Variants in EAF2 observed in about 807,000 individuals in gnomAD.
EAF2 encodes the protein ELL-associated factor 2.
A neutral mutation model predicts 29.4 loss-of-function variants in EAF2; 29 were observed. The observed-to-expected ratio is 0.99, with a 90% CI of 0.73 to 1.35. The LOEUF is 1.35. EAF2 is among the 40% of genes most tolerant of loss of function. The probability of loss-of-function intolerance (pLI) is 0.00; values close to 1 mark genes in which losing one functional copy is unlikely to be tolerated. For missense variants in EAF2, 292 were observed against 312.0 expected (o/e 0.94, Z 0.48); for synonymous variants, 103 against 102.5 (o/e 1.00, Z -0.03).
chr3:121,867,635 G>A (rs1231682171), intron 4 of EAF2, among the ~76,000 whole-genome samples: 2 of 152,094 alleles, frequency 1.3e-5, no homozygotes, highest in South Asian at 2.1e-4. Flanking sequence ...CTTAAATATT[G>A]GCTGTATAAA....
chr3:121,835,301 G>C lies in EAF2; in HGVS notation c.16G>C (p.Gly6Arg). The change falls in exon 1 of 6, where the codon GGA becomes CGA. Residue 6 changes from glycine (G) to arginine (R), a missense_variant. By Grantham distance (125) the Gly-to-Arg change is moderately radical (BLOSUM62 -2). Transcript: ENST00000273668. MNSAA[G>R]FSHLDRRERV... ...GAGAGTAATTATGAATAGCGCAGCG[G>C]GATTCTCACACCTAGACCGTCGCGA... The C allele has an allele frequency of 1.2e-6, 2 of 1,614,222 alleles. No homozygotes were observed. The highest frequency in any genetic ancestry group is 1.7e-6 in the Non-Finnish European group (2 of 1,180,034).
intron 2 of EAF2, among the ~76,000 whole-genome samples, chr3:121,848,584 CT>C (rs34911559): frequency 6.6e-6 from 1 of 150,926 alleles, no homozygotes; most frequent in Non-Finnish European, 1.5e-5. Flanking sequence ...GGCAGGATCA[CT>C]TTTTTTTTAG....
chr3:121,847,421 A>G (rs904157845), intron 2 of EAF2, among the ~76,000 whole-genome samples: 1 of 152,230 alleles, frequency 6.6e-6, no homozygotes, highest in Non-Finnish European at 1.5e-5. Flanking sequence ...AAGATACAAC[A>G]ACAAAAGAAA....
At chr3:121,858,809 C>T (rs908665488) in intron 4 of EAF2, among the ~76,000 whole-genome samples, 5 of 152,192 alleles carry the variant, frequency 3.3e-5, no homozygotes, top group African/African-American at 9.7e-5. Context: ...TTAGGTCTAA[C>T]ATTTAAGTCT....
chr3:121,870,326 C>A (rs1320935316), intron 4 of EAF2, among the ~76,000 whole-genome samples: 1 of 152,044 alleles, frequency 6.6e-6, no homozygotes, highest in Non-Finnish European at 1.5e-5. Flanking sequence ...AATAATTATG[C>A]AACATGAACA....
intron 2 of EAF2, among the ~76,000 whole-genome samples, chr3:121,851,173 G>A (rs549521025): frequency 2.6e-5 from 4 of 151,422 alleles, no homozygotes; most frequent in African/African-American, 7.3e-5. Flanking sequence ...ACATATGCAC[G>A]CACTTATTTT....
At chr3:121,842,027 A>T (rs925393769) in intron 1 of EAF2, among the ~76,000 whole-genome samples, 3 of 151,730 alleles carry the variant, frequency 2.0e-5, no homozygotes, top group Non-Finnish European at 4.4e-5. Context: ...AAATAAAAAA[A>T]TAAAAAAATT....
At chr3:121,884,505 G>A (rs922124356) in intron 5 of EAF2, among the ~76,000 whole-genome samples, 1 of 150,698 alleles carries the variant, frequency 6.6e-6, no homozygotes, top group Non-Finnish European at 1.5e-5. Flanking sequence ...TCGGCTTACT[G>A]CAACCTCCAC....
At chr3:121,873,236 C>A in intron 5 of EAF2, 1 of 511,382 alleles carries the variant, frequency 2.0e-6, no homozygotes, top group Non-Finnish European at 3.4e-6. Flanking sequence ...ATCTCATCAC[C>A]TTCAAATTTA....
At chr3:121,875,191 G>C (rs1250917600) in intron 5 of EAF2, among the ~76,000 whole-genome samples, 1 of 151,892 alleles carries the variant, frequency 6.6e-6, no homozygotes, top group Non-Finnish European at 1.5e-5. Context: ...TTGAGGGGTA[G>C]TGGGGAAAGG....
intron 2 of EAF2, 36 bp from the exon 3 acceptor site, chr3:121,854,651 T>C (rs760879056): frequency 6.8e-7 from 1 of 1,464,136 alleles, no homozygotes; most frequent in East Asian, 2.7e-5. Flanking sequence ...ATTCCTATGA[T>C]AAATTTTAAG....
intron 1 of EAF2, chr3:121,837,274 T>G (rs1221548668): frequency 6.6e-6 from 1 of 152,194 alleles, no homozygotes; most frequent in Non-Finnish European, 1.5e-5. Flanking sequence ...ATTTCCAATG[T>G]AATCCTCACT....
At chr3:121,870,651 A>C (rs1010268992) in intron 4 of EAF2, among the ~76,000 whole-genome samples, 9 of 152,166 alleles carry the variant, frequency 5.9e-5, no homozygotes, top group African/African-American at 2.2e-4. Context: ...CAAATGCCAA[A>C]AGTGTGACAA....
Position 121,857,031 on chromosome 3 carries a change from T to C in EAF2, c.359T>C (p.Ile120Thr). 1 of 1,612,782 alleles carries C rather than the reference T, an allele frequency of 6.2e-7. No homozygotes were observed. Among genetic ancestry groups the C allele is most frequent in the South Asian group, 1.1e-5 (1 of 90,786 alleles). ...TGCAGAGTTGAAGGAAGCAGTAAAATTCAGTATCGTAAAGAACAACAGCAA... is the reference window on the plus strand; with the variant it reads ...TGCAGAGTTGAAGGAAGCAGTAAAACTCAGTATCGTAAAGAACAACAGCAA... ...KKTRVEGSSKIQYRKEQQQQQ... is the reference protein window; with the variant it reads ...KKTRVEGSSKTQYRKEQQQQQ... The change falls in exon 4 of 6, where the codon ATT (isoleucine) becomes ACT (threonine). Residue 120 changes from isoleucine to threonine, a missense_variant. By Grantham distance (89) the Ile-to-Thr change is moderately conservative. Coordinates refer to ENST00000273668, the MANE Select transcript of EAF2 (RefSeq NM_018456.6).
intron 2 of EAF2, among the ~76,000 whole-genome samples, chr3:121,849,202 TAGAGTC>T (rs1488725255): frequency 1.3e-5 from 2 of 152,200 alleles, no homozygotes; most frequent in Non-Finnish European, 2.9e-5. Context: ...CTAGGAAGCT[TAGAGTC>T]AGACCATAAA....
chr3:121,871,528 G>A (rs1709013239), intron 4 of EAF2, among the ~76,000 whole-genome samples: 1 of 151,862 alleles, frequency 6.6e-6, no homozygotes. Context: ...CAAAAGATCT[G>A]GGTGAAGAAT....
intron 1 of EAF2, chr3:121,836,401 C>T (rs752063124): frequency 5.4e-4 from 82 of 153,124 alleles, no homozygotes; most frequent in Middle Eastern, 3.3e-3. Flanking sequence ...ATCAAAACAA[C>T]TAATTAAAGC....
At position 121,857,126 on chromosome 3, in the gene EAF2, C is replaced by T. The variant is rs1410247002; in HGVS notation, c.454C>T (p.Pro152Ser). The T allele has an allele frequency of 1.9e-6, 3 of 1,612,644 alleles. No homozygotes were observed. Among genetic ancestry groups the T allele is most frequent in the Non-Finnish European group, 2.5e-6 (3 of 1,179,348 alleles). Residue 152 changes from proline (P) to serine (S), a missense_variant, in exon 4 of 6, where the codon CCA (proline) becomes TCA (serine). Transcript: ENST00000273668. ...KHSPSEDKMS[P>S]ASPIDDIERE... ...TTCTCCATCTGAAGATAAGATGTCC[C>T]CAGCATCTCCAATAGATGATATCGA... is the stretch of plus-strand genomic sequence containing the variant.
At chr3:121,850,968 T>C (rs1708622403) in intron 2 of EAF2, among the ~76,000 whole-genome samples, 1 of 152,208 alleles carries the variant, frequency 6.6e-6, no homozygotes, top group African/African-American at 2.4e-5. Flanking sequence ...CCCAAAGTGC[T>C]GGGATTGCAA....
Sources: allele counts gnomAD v4.1 joint callset (sites outside exome capture counted in the v4.1 genomes callset), GRCh38; gene constraint gnomAD v4.1.1; transcripts MANE v1.5; gene names NCBI Gene and HGNC (gene_info 2026-07-23, HGNC 2026-07-21).